The following ALMS1 variants were observed in gnomAD, a reference collection of about 807,000 sequenced individuals.
The protein encoded by ALMS1 is ALMS1 centrosome and basal body associated protein, also known as centrosome-associated protein ALMS1.
In ALMS1, 271 loss-of-function variants were observed where a neutral mutation model predicts 352.2. That is an observed-to-expected ratio of 0.77 (90% CI 0.70 to 0.85). The LOEUF (loss-of-function observed/expected upper bound fraction) is 0.85. ALMS1 is among the 40% of genes least tolerant of loss of function. The pLI is 0.00. For synonymous variants in ALMS1, 1,865 were observed against 1,761.2 expected, an observed-to-expected ratio of 1.06 and a Z score of -1.48; for missense variants, 5,445 against 4,870.7, an observed-to-expected ratio of 1.12 and a Z score of -3.51.
Position 73,452,805 on chromosome 2 carries a change from G to A in ALMS1, c.6278G>A (p.Ser2093Asn). The stretch of plus-strand genomic sequence containing the variant: ...ACTGGAAAACCAGTATCTCTCTCTA[G>A]TTCTTATTTTCACAGAGAGAAATCG... The part of the protein sequence containing the change: ...VNTGKPVSLS[S>N]SYFHREKSNI... Residue 2093 changes from serine to asparagine, a missense_variant, in exon 8 of 23, where the codon AGT (serine) becomes AAT (asparagine). Ser to Asn is a conservative substitution (Grantham distance 46). Coordinates refer to ENST00000613296, the MANE Select transcript of ALMS1 (RefSeq NM_001378454.1). The A allele has an allele frequency of 1.2e-6, 2 of 1,613,680 alleles. No homozygotes were observed. The highest frequency in any genetic ancestry group is 2.2e-5 in the South Asian group (2 of 91,074).
intron 16 of ALMS1, among the ~76,000 whole-genome samples, chr2:73,591,127 C>G (rs568924623): frequency 6.6e-6 from 1 of 152,080 alleles, no homozygotes; most frequent in African/African-American, 2.4e-5. Context: ...GATTTTTAAG[C>G]TTAATTACAT....
chr2:73,525,666 A>T (rs910853346), intron 11 of ALMS1, among the ~76,000 whole-genome samples: 6 of 152,058 alleles, frequency 3.9e-5, no homozygotes, highest in African/African-American at 7.2e-5. Context: ...AGTTCTTTAT[A>T]CATTATGGCT....
intron 10 of ALMS1, among the ~76,000 whole-genome samples, chr2:73,515,768 TACACACACACAC>T (rs71406825): frequency 7.1e-5 from 10 of 141,584 alleles, no homozygotes; most frequent in Admixed American, 2.1e-4. Flanking sequence ...TCCACAGAAA[TACACACACACAC>T]ACACACACAC....
At chr2:73,575,916 G>A (rs1183560627) in intron 16 of ALMS1, among the ~76,000 whole-genome samples, 2 of 151,816 alleles carry the variant, frequency 1.3e-5, no homozygotes, top group Non-Finnish European at 2.9e-5. Flanking sequence ...ATCCAGTGTC[G>A]TGAAAGTTTT....
chr2:73,526,945 C>G (rs1275948601), intron 11 of ALMS1, among the ~76,000 whole-genome samples: 1 of 152,020 alleles, frequency 6.6e-6, no homozygotes, highest in Non-Finnish European at 1.5e-5. Flanking sequence ...GGTATGTGTT[C>G]TCTATACCTA....
chr2:73,582,133 T>A (rs2104133883), intron 16 of ALMS1, among the ~76,000 whole-genome samples: 1 of 152,330 alleles, frequency 6.6e-6, no homozygotes, highest in East Asian at 1.9e-4. Flanking sequence ...TCTTTGCCCA[T>A]CCTTTTAGCC....
intron 15 of ALMS1, among the ~76,000 whole-genome samples, chr2:73,570,711 G>T (rs1446044392): frequency 6.6e-6 from 1 of 152,196 alleles, no homozygotes; most frequent in Non-Finnish European, 1.5e-5. Context: ...GATGAGTTGG[G>T]TTCCAGAGCA....
At chr2:73,605,705 T>C (rs146815581) in intron 21 of ALMS1, among the ~76,000 whole-genome samples, 3,615 of 152,138 alleles carry the variant, frequency 0.024, 133 homozygotes, top group Admixed American at 0.089. Flanking sequence ...TAGCTGGGCA[T>C]GGTGGTGGGT....
At chr2:73,496,228 C>T (rs1015228548) in intron 10 of ALMS1, among the ~76,000 whole-genome samples, 2 of 152,174 alleles carry the variant, frequency 1.3e-5, no homozygotes, top group Admixed American at 6.5e-5. Context: ...TCCCCTATGC[C>T]GTTCCTTTGG....
In ALMS1 at chr2:73,447,953, T is replaced by G; in HGVS notation, c.1433-7T>G. On this transcript the variant is annotated splice_region_variant and splice_polypyrimidine_tract_variant and intron_variant, in intron 7 of 22. Transcript: ENST00000613296. The stretch of plus-strand genomic sequence containing the variant: ...TATATACTATTAACAAATCTCTTTT[T>G]CTTTAGGAGACACTTCTAAAGGAGG... 6.3e-7 allele frequency: 1 copy of G among 1,599,964 alleles called. No individual in the cohort carries two copies. The highest frequency in any genetic ancestry group is 8.5e-7 in the Non-Finnish European group (1 of 1,172,888).
intron 21 of ALMS1, among the ~76,000 whole-genome samples, chr2:73,605,630 C>T (rs1675800008): frequency 6.6e-6 from 1 of 152,162 alleles, no homozygotes; most frequent in Non-Finnish European, 1.5e-5. Flanking sequence ...GGGCAGATCA[C>T]TTGAGGTCAG....
At chr2:73,396,762 A>C (rs933251342) in intron 1 of ALMS1, among the ~76,000 whole-genome samples, 2 of 150,958 alleles carry the variant, frequency 1.3e-5, no homozygotes, top group Non-Finnish European at 2.9e-5. Flanking sequence ...CTTCTGCCTC[A>C]GCCTCCCAAG....
chr2:73,582,291 T>C (rs565100206), intron 16 of ALMS1, among the ~76,000 whole-genome samples: 2 of 152,344 alleles, frequency 1.3e-5, no homozygotes, highest in East Asian at 3.9e-4. Flanking sequence ...TTGGCTTTTT[T>C]TCATTCTGAT....
chr2:73,398,318 T>C (rs1345855864), intron 1 of ALMS1, among the ~76,000 whole-genome samples: 1 of 152,206 alleles, frequency 6.6e-6, no homozygotes, highest in African/African-American at 2.4e-5. Context: ...TTTCTGGGCC[T>C]TCAATTCTGT....
At chr2:73,577,164 T>A (rs1186301726) in intron 16 of ALMS1, among the ~76,000 whole-genome samples, 1 of 152,202 alleles carries the variant, frequency 6.6e-6, no homozygotes, top group Non-Finnish European at 1.5e-5. Flanking sequence ...CCTTATAGAA[T>A]GAGAAAGTTT....
intron 1 of ALMS1, among the ~76,000 whole-genome samples, chr2:73,392,071 A>G (rs1572895516): frequency 1.3e-5 from 2 of 151,920 alleles, no homozygotes; most frequent in African/African-American, 4.8e-5. Context: ...CTCATTCCCA[A>G]TTTTGTGTAA....
chr2:73,452,586 C>A lies in ALMS1; in HGVS notation c.6059C>A (p.Ser2020Ter). ...EFPAATLSSY[S>*]QIEKPKISTV... Reference sequence around the variant, plus strand: ...CCAGCAGCTACCCTTAGTTCCTACTCACAAATAGAGAAGCCCAAGATTTCA... The same window carrying A: ...CCAGCAGCTACCCTTAGTTCCTACTAACAAATAGAGAAGCCCAAGATTTCA... The change falls in exon 8 of 23, where the codon TCA becomes TAA. Residue 2020 changes from serine to a stop codon, truncating the protein, a stop_gained. Coordinates refer to ENST00000613296, the MANE Select transcript of ALMS1 (RefSeq NM_001378454.1). LOFTEE classifies it high-confidence loss of function. 4 of 1,614,096 alleles carry A rather than the reference C, an allele frequency of 2.5e-6. No homozygotes were observed. Among genetic ancestry groups the A allele is most frequent in the Non-Finnish European group, 3.4e-6 (4 of 1,180,010 alleles).
intron 11 of ALMS1, among the ~76,000 whole-genome samples, chr2:73,533,857 CA>C (rs1374834489): frequency 2.0e-5 from 3 of 152,146 alleles, no homozygotes; most frequent in Non-Finnish European, 4.4e-5. Context: ...TATTAATAAG[CA>C]ATTTAGCAGT....
intron 9 of ALMS1, among the ~76,000 whole-genome samples, chr2:73,465,265 G>A (rs1382945796): frequency 6.6e-6 from 1 of 151,990 alleles, no homozygotes; most frequent in Non-Finnish European, 1.5e-5. Context: ...AACCAAAACA[G>A]CATGGTACTG....
Sources: allele counts gnomAD v4.1 joint callset (sites outside exome capture counted in the v4.1 genomes callset), GRCh38; gene constraint gnomAD v4.1.1; transcripts MANE v1.5; gene names NCBI Gene and HGNC (gene_info 2026-07-23, HGNC 2026-07-21).